MARCHF8: variants seen among roughly 807,000 people sequenced by gnomAD.
The protein encoded by MARCHF8 is E3 ubiquitin-protein ligase MARCHF8.
In MARCHF8, 40 loss-of-function variants were observed where a neutral mutation model predicts 51.6. The observed-to-expected ratio is 0.77, with a 90% CI of 0.60 to 1.01. The LOEUF (loss-of-function observed/expected upper bound fraction) is 1.01, where lower values mean the gene tolerates loss of function less well. Among genes scored for constraint, MARCHF8 ranks in the 50% least tolerant of loss-of-function variants. MARCHF8 has a pLI of 0.00. For synonymous variants in MARCHF8, 263 were observed against 280.3 expected (o/e 0.94, Z 0.62); for missense variants, 685 against 708.6 (o/e 0.97, Z 0.38).
At chr10:45,515,095 T>C (rs2043596791) in intron 2 of MARCHF8, among the ~76,000 whole-genome samples, 1 of 152,240 alleles carries the variant, frequency 6.6e-6, no homozygotes, top group Non-Finnish European at 1.5e-5. Context: ...ATTGGTATTC[T>C]TCTAGGAAGT....
chr10:45,582,376 G>C (rs1344992306), intron 1 of MARCHF8, among the ~76,000 whole-genome samples: 3 of 152,164 alleles, frequency 2.0e-5, no homozygotes, highest in Non-Finnish European at 4.4e-5. Flanking sequence ...AGCCCTTCAA[G>C]TTTCCATATT....
At chr10:45,474,150 A>G (rs894408030) in intron 3 of MARCHF8, among the ~76,000 whole-genome samples, 7 of 152,200 alleles carry the variant, frequency 4.6e-5, no homozygotes, top group Non-Finnish European at 7.3e-5. Flanking sequence ...TAGGTGCTGG[A>G]CAAAATCTCA....
chr10:45,506,076 T>C (rs1431411925), intron 2 of MARCHF8, among the ~76,000 whole-genome samples: 2 of 152,240 alleles, frequency 1.3e-5, no homozygotes, highest in Non-Finnish European at 1.5e-5. Flanking sequence ...TACTACATTA[T>C]GAAATCTCTT....
At position 45,463,883 on chromosome 10, in the gene MARCHF8, A is replaced by T. The variant is rs779676644; in HGVS notation, c.356T>A (p.Ile119Asn). 3 of 1,537,266 alleles carry T rather than the reference A, an allele frequency of 2.0e-6. No individual in the cohort carries two copies. Among genetic ancestry groups the T allele is most frequent in the Non-Finnish European group, 2.6e-6 (3 of 1,146,950 alleles). ...TGACGCCTGTAATGTGTCCTTACAGATAACTGTCACAGTGAGCCCTTGTGT... is the reference window on the plus strand; with the variant it reads ...TGACGCCTGTAATGTGTCCTTACAGTTAACTGTCACAGTGAGCCCTTGTGT... The part of the protein sequence containing the change: ...SLTQGLTVTV[I>N]CKDTLQASKR... Residue 119 changes from isoleucine (I) to asparagine (N), a missense_variant, in exon 5 of 8, where the codon ATC (isoleucine) becomes AAC (asparagine). By Grantham distance (149) the Ile-to-Asn change is moderately radical. Coordinates refer to ENST00000453424, the MANE Select transcript of MARCHF8 (RefSeq NM_001282866.2).
At chr10:45,481,320 C>G (rs1297752092) in intron 3 of MARCHF8, among the ~76,000 whole-genome samples, 1 of 152,180 alleles carries the variant, frequency 6.6e-6, no homozygotes, top group East Asian at 1.9e-4. Flanking sequence ...TGAGTTAATG[C>G]TGAAATGCGT....
At chr10:45,475,419 G>T (rs2042769964) in intron 3 of MARCHF8, among the ~76,000 whole-genome samples, 1 of 152,116 alleles carries the variant, frequency 6.6e-6, no homozygotes, top group Admixed American at 6.5e-5. Context: ...GGGGGCTGAA[G>T]TATGTCCTAC....
chr10:45,533,608 CTTTTTT>C (rs145085744), intron 1 of MARCHF8, among the ~76,000 whole-genome samples: 2 of 149,420 alleles, frequency 1.3e-5, no homozygotes, highest in Non-Finnish European at 3.0e-5. Flanking sequence ...TGAAGTTAAA[CTTTTTT>C]TTTTATCATG....
intron 1 of MARCHF8, among the ~76,000 whole-genome samples, chr10:45,556,501 C>A (rs945882534): frequency 2.0e-5 from 3 of 152,192 alleles, no homozygotes; most frequent in African/African-American, 7.2e-5. Flanking sequence ...AGGCGGTTCA[C>A]GGTATTCTTC....
chr10:45,564,798 T>C (rs533204707), intron 1 of MARCHF8, among the ~76,000 whole-genome samples: 119 of 151,930 alleles, frequency 7.8e-4, no homozygotes, highest in African/African-American at 2.9e-3. Flanking sequence ...ATTTTTTTTT[T>C]AATCAGAAAA....
chr10:45,583,277 G>A (rs2044575730), intron 1 of MARCHF8, among the ~76,000 whole-genome samples: 4 of 152,146 alleles, frequency 2.6e-5, no homozygotes, highest in African/African-American at 7.2e-5. Flanking sequence ...AACACCATTA[G>A]TGGGAGTACA....
At chr10:45,555,899 C>T (rs1235653659) in intron 1 of MARCHF8, among the ~76,000 whole-genome samples, 2 of 152,092 alleles carry the variant, frequency 1.3e-5, no homozygotes, top group Non-Finnish European at 2.9e-5. Context: ...CCTGACTTCC[C>T]TGTATAAGCT....
intron 2 of MARCHF8, among the ~76,000 whole-genome samples, chr10:45,517,026 T>G (rs2043630902): frequency 6.6e-6 from 1 of 152,202 alleles, no homozygotes; most frequent in Non-Finnish European, 1.5e-5. Flanking sequence ...ATGGGAACAC[T>G]GGATTGTAAA....
At chr10:45,506,514 A>T (rs1414849879) in intron 2 of MARCHF8, among the ~76,000 whole-genome samples, 6 of 152,242 alleles carry the variant, frequency 3.9e-5, no homozygotes, top group Non-Finnish European at 7.3e-5. Context: ...GCAATATATC[A>T]GCTTGAAGAC....
intron 1 of MARCHF8, among the ~76,000 whole-genome samples, chr10:45,585,648 T>C (rs12779637): frequency 0.062 from 9,387 of 152,194 alleles, 325 homozygotes; most frequent in Non-Finnish European, 0.066. Flanking sequence ...AGAAGAGAGA[T>C]GAAGGGCATC....
chr10:45,499,932 T>C (rs1564487268), intron 2 of MARCHF8, among the ~76,000 whole-genome samples: 1 of 152,214 alleles, frequency 6.6e-6, no homozygotes, highest in African/African-American at 2.4e-5. Context: ...TGTGATTCCA[T>C]ATAAATTACA....
chr10:45,568,659 C>T lies in MARCHF8; in HGVS notation c.-79+25576G>A, dbSNP rs2044392163. Among the ~76,000 whole-genome samples, 3 of 137,646 alleles carry T rather than the reference C, an allele frequency of 2.2e-5. No individual in the cohort carries two copies. The South Asian group carries it at 6.9e-4, about 32-fold the overall frequency. 90.3% of individuals were successfully genotyped at this position (137,646 alleles called of 152,430 possible). The stretch of plus-strand genomic sequence containing the variant: ...ACTTGAACCCAGGAGGCGGAGGTTG[C>T]AGTGAGTTGAGATGGCACCACTGCA... On this transcript the variant is annotated intron_variant, in intron 1 of 6. Coordinates refer to the MARCHF8 transcript ENST00000319836.
At chr10:45,535,994 T>C (rs769861511), upstream of MARCHF8, among the ~76,000 whole-genome samples, 3 of 152,174 alleles carry the variant, frequency 2.0e-5, no homozygotes, top group Non-Finnish European at 2.9e-5. Context: ...CAAGTTGACA[T>C]AGAGAGTCAA....
chr10:45,473,067 A>C (rs1360327911), intron 3 of MARCHF8, among the ~76,000 whole-genome samples: 1 of 152,222 alleles, frequency 6.6e-6, no homozygotes, highest in African/African-American at 2.4e-5. Context: ...CCTGGTCTTG[A>C]CAATCACATC....
At chr10:45,515,597 T>C (rs2043604906) in intron 2 of MARCHF8, among the ~76,000 whole-genome samples, 1 of 152,232 alleles carries the variant, frequency 6.6e-6, no homozygotes, top group South Asian at 2.1e-4. Context: ...TCTTCCTTTT[T>C]TGCAGGGAAA....
Sources: allele counts gnomAD v4.1 joint callset (sites outside exome capture counted in the v4.1 genomes callset), GRCh38; gene constraint gnomAD v4.1.1; transcripts MANE v1.5; gene names NCBI Gene and HGNC (gene_info 2026-07-23, HGNC 2026-07-21).